MCPH1: variants seen among roughly 807,000 people sequenced by gnomAD.
MCPH1 encodes the protein microcephalin 1.
Under a neutral mutation model 84.5 loss-of-function variants are expected in MCPH1, and 104 were observed. That is an observed-to-expected ratio of 1.23 (90% confidence interval 1.05 to 1.45). The LOEUF is 1.45. Among genes scored for constraint, MCPH1 ranks in the 40% most tolerant of loss-of-function variants. The pLI is 0.00. For synonymous variants in MCPH1, 514 were observed against 366.8 expected (o/e 1.40, Z -4.58); for missense variants, 1,498 against 1,005.7 (o/e 1.49, Z -6.62).
At chr8:6,633,688 C>T (rs148743692) in intron 13 of MCPH1, among the ~76,000 whole-genome samples, 2 of 152,150 alleles carry the variant, frequency 1.3e-5, no homozygotes, top group South Asian at 2.1e-4. Context: ...CACACAAGCA[C>T]GCCCACAATG....
At position 6,646,368 on chromosome 8, in the gene MCPH1, C is replaced by T. The variant is rs1798215985; in HGVS notation, c.*3319C>T. 6.6e-6 allele frequency: 1 copy of T among 152,096 alleles called. No homozygotes were observed. The highest frequency in any genetic ancestry group is 6.5e-5 in the Admixed American group (1 of 15,270). 9.4% of individuals were successfully genotyped at this position (152,096 alleles called of 1,614,324 possible). ...AACCCAAGAGAGTCCAGCTCAAAAA[C>T]AACAACAAGAACAAAAGTATCACAT... On this transcript the variant is annotated 3_prime_UTR_variant, in exon 14 of 14. Transcript: ENST00000344683.
intron 12 of MCPH1, among the ~76,000 whole-genome samples, chr8:6,538,658 C>A (rs1820946290): frequency 6.6e-6 from 1 of 152,108 alleles, no homozygotes; most frequent in Non-Finnish European, 1.5e-5. Flanking sequence ...CATTGCATGC[C>A]CTAAGCAAAG....
intron 12 of MCPH1, among the ~76,000 whole-genome samples, chr8:6,512,899 TGCC>T (rs1318233110): frequency 5.3e-5 from 8 of 152,246 alleles, no homozygotes; most frequent in East Asian, 1.9e-4. Flanking sequence ...CACCTAACTC[TGCC>T]ATCTCTAAAC....
At chr8:6,516,610 T>C (rs992075606) in intron 12 of MCPH1, among the ~76,000 whole-genome samples, 18 of 152,234 alleles carry the variant, frequency 1.2e-4, no homozygotes, top group African/African-American at 4.1e-4. Flanking sequence ...CTTCTATCAA[T>C]ATTTCTTTTT....
At chr8:6,621,417 T>C in intron 12 of MCPH1, 37 bp from the exon 13 acceptor site, 2 of 1,612,082 alleles carry the variant, frequency 1.2e-6, no homozygotes, top group Non-Finnish European at 1.7e-6. Flanking sequence ...ACTGGAGTGG[T>C]CCCACCTCTG....
intron 12 of MCPH1, among the ~76,000 whole-genome samples, chr8:6,588,329 A>G (rs1181519947): frequency 3.6e-5 from 5 of 139,874 alleles, no homozygotes; most frequent in African/African-American, 1.3e-4. Flanking sequence ...AGAACTATAC[A>G]TTCACTTAAA....
chr8:6,566,442 C>G (rs7833871), intron 12 of MCPH1, among the ~76,000 whole-genome samples: 1 of 151,746 alleles, frequency 6.6e-6, no homozygotes, highest in African/African-American at 2.4e-5. Context: ...CCGTGTGTGG[C>G]GAGCAAGGCT....
At chr8:6,415,307 A>G (rs1224700272) in intron 3 of MCPH1, among the ~76,000 whole-genome samples, 4 of 16,474 alleles carry the variant, frequency 2.4e-4, no homozygotes, top group Non-Finnish European at 6.1e-4. Context: ...TTTTTTTTTG[A>G]GACAAAGTCT....
chr8:6,448,845 A>G (rs1042028268), intron 8 of MCPH1, among the ~76,000 whole-genome samples: 2 of 152,342 alleles, frequency 1.3e-5, no homozygotes, highest in Admixed American at 6.5e-5. Context: ...ATTACGCTTC[A>G]TGGGCAAAGA....
intron 12 of MCPH1, among the ~76,000 whole-genome samples, chr8:6,543,274 A>T (rs1034496717): frequency 6.6e-6 from 1 of 152,230 alleles, no homozygotes; most frequent in Non-Finnish European, 1.5e-5. Flanking sequence ...TCTTCTGTAC[A>T]TGAAGATGCA....
Position 6,451,159 on chromosome 8 carries a change from C to G in MCPH1, c.1826-3984C>G, listed in dbSNP as rs77430621. Among the ~76,000 whole-genome samples the G allele has an allele frequency of 1.2e-3, 185 of 152,290 alleles. 3 individuals carry two copies. The East Asian group carries it at 0.03, about 24-fold the overall frequency. On this transcript the variant is annotated intron_variant, in intron 8 of 13. Transcript: ENST00000344683. ...TAATTCACAAGTGTATTAAGAACCC[C>G]CTTTCCCATAGCCTGCCAGCCTAAC...
chr8:6,567,293 GTA>G (rs1475232949), intron 12 of MCPH1, among the ~76,000 whole-genome samples: 55 of 40,598 alleles, frequency 1.4e-3, no homozygotes, highest in South Asian at 5.9e-3. Context: ...CATGGATAGT[GTA>G]CACGGTGCGA....
chr8:6,423,881 G>A (rs551198267), intron 3 of MCPH1, among the ~76,000 whole-genome samples: 6 of 152,170 alleles, frequency 3.9e-5, no homozygotes, highest in South Asian at 4.1e-4. Flanking sequence ...TTTCTAATTT[G>A]TAGAAGAAAA....
At chr8:6,432,066 G>A (rs1257990378) in intron 4 of MCPH1, among the ~76,000 whole-genome samples, 1 of 152,212 alleles carries the variant, frequency 6.6e-6, no homozygotes, top group African/African-American at 2.4e-5. Context: ...AAAATCCACT[G>A]ATGCTCAAGT....
intron 12 of MCPH1, chr8:6,509,116 A>C (rs1056331643): frequency 6.3e-7 from 1 of 1,580,744 alleles, no homozygotes; most frequent in Non-Finnish European, 8.6e-7. Flanking sequence ...GATTTACCGT[A>C]GTGGCAAATT....
chr8:6,416,516 G>A (rs1478539613), intron 3 of MCPH1, among the ~76,000 whole-genome samples: 1 of 152,162 alleles, frequency 6.6e-6, no homozygotes, highest in Non-Finnish European at 1.5e-5. Flanking sequence ...GTTTGTTTCT[G>A]ATTATTAAAG....
chr8:6,570,600 G>C (rs1199892483), intron 12 of MCPH1, among the ~76,000 whole-genome samples: 1 of 152,160 alleles, frequency 6.6e-6, no homozygotes, highest in African/African-American at 2.4e-5. Context: ...TGTAACTTCT[G>C]TTTGACACAG....
chr8:6,561,011 G>T (rs1417837742), intron 12 of MCPH1, among the ~76,000 whole-genome samples: 1 of 152,218 alleles, frequency 6.6e-6, no homozygotes, highest in African/African-American at 2.4e-5. Flanking sequence ...TGTAACCACG[G>T]TGGATGTGGG....
intron 12 of MCPH1, chr8:6,618,601 AGTT>A (rs1165955034): frequency 1.3e-5 from 2 of 152,208 alleles, no homozygotes; most frequent in East Asian, 1.9e-4. Context: ...AATTTTTCAC[AGTT>A]GTTAACTCTG....
Sources: allele counts gnomAD v4.1 joint callset (sites outside exome capture counted in the v4.1 genomes callset), GRCh38; gene constraint gnomAD v4.1.1; transcripts MANE v1.5; gene names NCBI Gene and HGNC (gene_info 2026-07-23, HGNC 2026-07-21).